The following UBP1 variants were observed in gnomAD, a reference collection of about 807,000 sequenced individuals.
UBP1 encodes the protein upstream binding protein 1.
A neutral mutation model predicts 76.1 loss-of-function variants in UBP1; 22 were observed. That is an observed-to-expected ratio of 0.29 (90% CI 0.21 to 0.41). The LOEUF is 0.41. Ranked by LOEUF, UBP1 falls within the 10% of genes least tolerant of loss-of-function variation. The pLI, the probability that UBP1 is intolerant of heterozygous loss-of-function variation, is 1.00. For synonymous variants in UBP1, 224 were observed against 237.1 expected, an observed-to-expected ratio of 0.94 and a Z score of 0.51; for missense variants, 436 against 668.1, an observed-to-expected ratio of 0.65 and a Z score of 3.83.
intron 8 of UBP1, among the ~76,000 whole-genome samples, chr3:33,406,740 T>C (rs185596182): frequency 6.6e-5 from 10 of 152,314 alleles, no homozygotes; most frequent in Admixed American, 2.0e-4. Flanking sequence ...CCTGGGCTCA[T>C]AGTTATGGTT....
At chr3:33,436,537 A>C (rs984695299) in intron 1 of UBP1, among the ~76,000 whole-genome samples, 1 of 152,236 alleles carries the variant, frequency 6.6e-6, no homozygotes, top group East Asian at 1.9e-4. Flanking sequence ...TTTTAAAGTA[A>C]TAATTTAATA....
At chr3:33,396,974 A>C (rs752020699) in intron 12 of UBP1, 71 bp downstream of exon 12, 1 of 1,421,496 alleles carries the variant, frequency 7.0e-7, no homozygotes, top group Non-Finnish European at 9.9e-7. Context: ...GTGGAAACAC[A>C]TTCTGCCCAA....
intron 3 of UBP1, among the ~76,000 whole-genome samples, chr3:33,413,363 C>T (rs942602673): frequency 6.6e-6 from 1 of 151,180 alleles, no homozygotes; most frequent in African/African-American, 2.4e-5. Context: ...CTGGCTAACA[C>T]GGTGAAACCC....
intron 8 of UBP1, among the ~76,000 whole-genome samples, chr3:33,404,317 CAG>C (rs2044354906): frequency 6.6e-6 from 1 of 152,012 alleles, no homozygotes; most frequent in Admixed American, 6.6e-5. Flanking sequence ...GAGGCTGAGG[CAG>C]GAGAATCGCT....
intron 13 of UBP1, among the ~76,000 whole-genome samples, chr3:33,393,680 T>C (rs2043857314): frequency 6.6e-6 from 1 of 152,210 alleles, no homozygotes. Flanking sequence ...ACAAATATAA[T>C]TTAATAAACA....
chr3:33,390,395 C>G, intron 15 of UBP1, 27 bp from the exon 16 acceptor site: 2 of 1,613,944 alleles, frequency 1.2e-6, no homozygotes, highest in Non-Finnish European at 1.7e-6. Context: ...GACAGTATTT[C>G]TTCAGTCAGG....
intron 2 of UBP1, 81 bp downstream of exon 2, chr3:33,425,509 A>C: frequency 7.6e-7 from 1 of 1,321,400 alleles, no homozygotes; most frequent in Non-Finnish European, 1.0e-6. Flanking sequence ...ATTATTACCA[A>C]TAATCTAGGC....
chr3:33,396,823 C>A, intron 12 of UBP1: 1 of 671,344 alleles, frequency 1.5e-6, no homozygotes. Flanking sequence ...GCATTTCTAC[C>A]AGTCTTACAG....
intron 4 of UBP1, among the ~76,000 whole-genome samples, 193 bp from the exon 5 acceptor site, chr3:33,411,880 G>C (rs1267144583): frequency 6.7e-6 from 1 of 150,016 alleles, no homozygotes. Flanking sequence ...ACCATGGTTT[G>C]TATTTCATTT....
chr3:33,409,686 C>T (rs556109608), intron 5 of UBP1, 85 bp from the exon 6 acceptor site: 11 of 1,518,744 alleles, frequency 7.2e-6, no homozygotes, highest in African/African-American at 6.9e-5. Context: ...TGACCTGACA[C>T]CACTATAAAT....
Position 33,390,234 on chromosome 3 carries a change from A to G in UBP1, c.*97T>C. ...GTGTTTTCAATATGAAACATTTCAT[A>G]TGGTAAAATCCAATCCCAAGACTTC... is the stretch of plus-strand genomic sequence containing the variant. On this transcript the variant is annotated 3_prime_UTR_variant, in exon 16 of 16. Coordinates refer to ENST00000283629, the MANE Select transcript of UBP1 (RefSeq NM_014517.5). 2 of 1,236,850 alleles carry G rather than the reference A, an allele frequency of 1.6e-6. No individual in the cohort carries two copies. Among genetic ancestry groups the G allele is most frequent in the Non-Finnish European group, 2.3e-6 (2 of 861,294 alleles). 76.6% of individuals were successfully genotyped at this position (1,236,850 alleles called of 1,614,324 possible).
At chr3:33,415,242 C>A (rs1426102788) in intron 3 of UBP1, among the ~76,000 whole-genome samples, 1 of 152,198 alleles carries the variant, frequency 6.6e-6, no homozygotes. Context: ...CTTGTCTCCA[C>A]TGATAAATGA....
chr3:33,398,777 T>C (rs2044109137), intron 11 of UBP1, among the ~76,000 whole-genome samples: 2 of 152,246 alleles, frequency 1.3e-5, no homozygotes, highest in African/African-American at 4.8e-5. Flanking sequence ...ATGTGGGGCC[T>C]CCTTCAGTTC....
chr3:33,410,605 A>G (rs565042267), intron 5 of UBP1, among the ~76,000 whole-genome samples: 3 of 152,314 alleles, frequency 2.0e-5, no homozygotes, highest in Admixed American at 6.5e-5. Flanking sequence ...CCTTTTCTAT[A>G]TATTACCTAC....
Position 33,437,189 on chromosome 3 carries a change from C to A in UBP1, c.113+2547G>T, listed in dbSNP as rs2154060272. Among the ~76,000 whole-genome samples, 2 of 151,368 alleles carry A rather than the reference C, an allele frequency of 1.3e-5. 1 individual carries two copies. Among genetic ancestry groups the A allele is most frequent in the Middle Eastern group, 6.8e-3 (2 of 292 alleles). The stretch of plus-strand genomic sequence containing the variant: ...GTTAGTAATTAGCCCCAATATATTC[C>A]CAATATTACCAGCCTACATTATTTT... On this transcript the variant is annotated intron_variant, in intron 1 of 15. Transcript: ENST00000283629.
chr3:33,405,335 T>C (rs898302187), intron 8 of UBP1, among the ~76,000 whole-genome samples: 2 of 152,162 alleles, frequency 1.3e-5, no homozygotes, highest in Non-Finnish European at 2.9e-5. Context: ...ATAGCAGTGG[T>C]CAAACTGCCA....
chr3:33,426,464 C>A (rs2045020088), intron 1 of UBP1, among the ~76,000 whole-genome samples: 1 of 152,248 alleles, frequency 6.6e-6, no homozygotes, highest in Admixed American at 6.5e-5. Context: ...CATAAAGTCA[C>A]CCTTTTAAAG....
Position 33,393,474 on chromosome 3 carries a change from AAG to A in UBP1, c.1391-22_1391-21del, listed in dbSNP as rs768849642. The A allele has an allele frequency of 1.9e-6, 3 of 1,589,960 alleles. No homozygotes were observed. Among genetic ancestry groups the A allele is most frequent in the East Asian group, 2.2e-5 (1 of 44,676 alleles). On this transcript the variant is annotated intron_variant, in intron 13 of 15. Coordinates refer to ENST00000283629, the MANE Select transcript of UBP1 (RefSeq NM_014517.5). ...GATAAACTGAAATTAAAAAAAAAAA[AAG>A]AAAAGCATTTTAACAGTAATCTTTG...
chr3:33,439,615 C>G, intron 1 of UBP1, 121 bp downstream of exon 1: 1 of 1,098,084 alleles, frequency 9.1e-7, no homozygotes, highest in African/African-American at 1.6e-5. Context: ...GGCAGGACTC[C>G]GACCCCGCAG....
Sources: allele counts gnomAD v4.1 joint callset (sites outside exome capture counted in the v4.1 genomes callset), GRCh38; gene constraint gnomAD v4.1.1; transcripts MANE v1.5; gene names NCBI Gene and HGNC (gene_info 2026-07-23, HGNC 2026-07-21).